Variants in OR11A1 observed in about 807,000 individuals in gnomAD.
The protein encoded by OR11A1 is olfactory receptor 11A1.
For missense variants in OR11A1, 380 were observed against 378.2 expected, an observed-to-expected ratio of 1.00 and a Z score of -0.04; for synonymous variants, 158 against 152.2, an observed-to-expected ratio of 1.04 and a Z score of -0.28.
chr6:29,440,482 TG>T (rs757135249), intron 1 of OR11A1: 7 of 1,613,374 alleles, frequency 4.3e-6, no homozygotes, highest in Non-Finnish European at 5.1e-6. Flanking sequence ...CTGGTGGGGC[TG>T]GGCCACACCC....
intron 2 of OR11A1, among the ~76,000 whole-genome samples, chr6:29,431,161 T>C (rs3117191): frequency 0.77 from 117,047 of 151,978 alleles, 45,437 homozygotes; most frequent in Non-Finnish European, 0.82. Flanking sequence ...TTAATTAAAA[T>C]GAGCAATTCA....
intron 1 of OR11A1, among the ~76,000 whole-genome samples, chr6:29,437,869 GA>G (rs1783760123): frequency 6.6e-6 from 1 of 152,172 alleles, no homozygotes. Context: ...TGAGCTGAGA[GA>G]AAACAGATTC....
chr6:29,449,294 G>A (rs1021402608), intron 1 of OR11A1, among the ~76,000 whole-genome samples: 1 of 152,100 alleles, frequency 6.6e-6, no homozygotes, highest in Non-Finnish European at 1.5e-5. Flanking sequence ...AGGGAGGAAG[G>A]GCAGGAGGTA....
At chr6:29,428,247 C>T (rs1022124576) in intron 4 of OR11A1, 68 of 985,442 alleles carry the variant, frequency 6.9e-5, no homozygotes, top group Non-Finnish European at 8.1e-5. Context: ...ATATATTCTT[C>T]ACTTATTGCC....
intron 1 of OR11A1, among the ~76,000 whole-genome samples, chr6:29,435,251 C>G (rs1783541018): frequency 6.6e-6 from 1 of 152,162 alleles, no homozygotes; most frequent in African/African-American, 2.4e-5. Context: ...AGAGCAGCAG[C>G]TTGAAGGCAC....
At chr6:29,438,894 G>T (rs1265456046) in intron 1 of OR11A1, among the ~76,000 whole-genome samples, 1 of 152,298 alleles carries the variant, frequency 6.6e-6, no homozygotes, top group Non-Finnish European at 1.5e-5. Context: ...AAAATAGAAA[G>T]ACACCTTTGA....
chr6:29,430,389 A>T lies in OR11A1; in HGVS notation c.-228T>A. Reference sequence around the variant, plus strand: ...ACTCTAGATTATTTTATCTGGTCCAAACTCATTCTGAGGCTTGGAGTCTTT... The same window carrying T: ...ACTCTAGATTATTTTATCTGGTCCATACTCATTCTGAGGCTTGGAGTCTTT... On this transcript the variant is annotated 5_prime_UTR_variant, in exon 3 of 5. In the 5' UTR this introduces an upstream ATG that the reference lacks. Coordinates refer to ENST00000377149, the MANE Select transcript of OR11A1 (RefSeq NM_001394828.1). 1.0e-6 allele frequency: 1 copy of T among 985,402 alleles called. No homozygotes were observed. The highest frequency in any genetic ancestry group is 1.2e-6 in the Non-Finnish European group (1 of 829,938). The allele number at this position is 985,402 out of a possible 1,614,324, so 61.0% of individuals were successfully genotyped here.
At chr6:29,432,150 C>G (rs1045787079) in intron 1 of OR11A1, 163 bp from the exon 2 acceptor site, 4 of 289,292 alleles carry the variant, frequency 1.4e-5, no homozygotes, top group African/African-American at 9.1e-5. Context: ...GAAATTGCCA[C>G]AAAGGGAGAG....
chr6:29,427,217 T>TACC lies in OR11A1; in HGVS notation c.422_424dup (p.Arg141_Tyr142insTrp), dbSNP rs773832511. 7.4e-6 allele frequency: 12 copies of TACC among 1,613,138 alleles called. No individual in the cohort carries two copies. Among genetic ancestry groups the TACC allele is most frequent in the Non-Finnish European group, 1.0e-5 (12 of 1,180,036 alleles). On this transcript the variant is annotated inframe_insertion, in exon 5 of 5. Transcript: ENST00000377149. ...CCAGGTTGTGACCACCAGCCCCATG[T>TACC]ACCGTCTGGGCCCCATCAGGAGTGG...
intron 3 of OR11A1, among the ~76,000 whole-genome samples, chr6:29,429,219 C>G (rs182511476): frequency 3.9e-5 from 6 of 152,286 alleles, no homozygotes; most frequent in African/African-American, 1.4e-4. Context: ...GGAGCCTTCA[C>G]GGCACACTGT....
At chr6:29,448,524 A>C (rs1228510562) in intron 1 of OR11A1, among the ~76,000 whole-genome samples, 1 of 152,246 alleles carries the variant, frequency 6.6e-6, no homozygotes, top group Non-Finnish European at 1.5e-5. Flanking sequence ...AGGGCAAGTC[A>C]TAGAATCCTG....
intron 1 of OR11A1, among the ~76,000 whole-genome samples, chr6:29,455,269 G>C (rs1785948962): frequency 6.6e-6 from 1 of 151,988 alleles, no homozygotes; most frequent in African/African-American, 2.4e-5. Context: ...ATTTGACAAA[G>C]GACTTTTATG....
chr6:29,429,021 AAAAG>A (rs1783071928), intron 3 of OR11A1, 61 bp from the exon 4 acceptor site: 1 of 429,500 alleles, frequency 2.3e-6, no homozygotes, highest in Admixed American at 6.4e-5. Flanking sequence ...GGTAGAGAAA[AAAAG>A]CAGATATCAT....
chr6:29,428,743 C>T lies in OR11A1; in HGVS notation c.-92+170G>A, dbSNP rs191137618. Among the ~76,000 whole-genome samples, 36 of 89,140 alleles carry T rather than the reference C, an allele frequency of 4.0e-4. 1 individual carries two copies. In the East Asian group the frequency reaches 0.011, roughly 28 times the overall value. The allele number at this position is 89,140 out of a possible 152,430, so 58.5% of individuals were successfully genotyped here. ...CTGCACCCCAGCCTGGGCAATAGAA[C>T]GAAACTCCATCTCAAAAAAAAAAAA... On this transcript the variant is annotated intron_variant, in intron 4 of 4. Coordinates refer to ENST00000377149, the MANE Select transcript of OR11A1 (RefSeq NM_001394828.1).
intron 3 of OR11A1, 136 bp from the exon 4 acceptor site, chr6:29,429,096 A>G (rs1385033665): frequency 6.3e-6 from 1 of 158,854 alleles, no homozygotes; most frequent in Admixed American, 6.5e-5. Context: ...GGATTAATAA[A>G]TATACATTAT....
intron 1 of OR11A1, chr6:29,439,993 C>G (rs780151213): frequency 6.3e-7 from 1 of 1,581,656 alleles, no homozygotes; most frequent in East Asian, 2.2e-5. Flanking sequence ...CTTTTGTCTT[C>G]CAGTCAAAGG....
intron 1 of OR11A1, among the ~76,000 whole-genome samples, chr6:29,454,565 TA>T (rs959792652): frequency 2.8e-4 from 42 of 152,088 alleles, no homozygotes; most frequent in Non-Finnish European, 4.7e-4. Flanking sequence ...AGGTTTTTTA[TA>T]AAAAAAATTT....
At chr6:29,454,389 C>T (rs997577716) in intron 1 of OR11A1, among the ~76,000 whole-genome samples, 1 of 152,102 alleles carries the variant, frequency 6.6e-6, no homozygotes, top group Non-Finnish European at 1.5e-5. Context: ...TGCTCTTTAT[C>T]ATTGGTTATT....
rs115687401 is a variant in OR11A1 at position 29,449,611 on chromosome 6, C to T, written c.-389+7376G>A. On this transcript the variant is annotated intron_variant, in intron 1 of 4. Coordinates refer to ENST00000377149, the MANE Select transcript of OR11A1 (RefSeq NM_001394828.1). The stretch of plus-strand genomic sequence containing the variant: ...TGAACATTTCCTTCGAATACACCCA[C>T]CCACCCATAAATGACCAATCTTTCT... Among the ~76,000 whole-genome samples, 1,009 of 152,252 alleles carry T rather than the reference C, an allele frequency of 6.6e-3. 9 individuals carry two copies. Among genetic ancestry groups the T allele is most frequent in the Middle Eastern group, 0.01 (3 of 294 alleles).
Sources: gnomAD v4.1 joint callset for allele counts (sites outside exome capture counted in the v4.1 genomes callset) on GRCh38, gnomAD v4.1.1 for gene constraint, MANE v1.5 for transcripts, NCBI Gene and HGNC (gene_info 2026-07-23, HGNC 2026-07-21) for gene names.